The following ZC3H12B variants were observed in gnomAD, a reference collection of about 807,000 sequenced individuals.
ZC3H12B encodes zinc finger CCCH-type containing 12B, also known as probable ribonuclease ZC3H12B.
In ZC3H12B, 7 loss-of-function variants were observed where a neutral mutation model predicts 43.9. That is an observed-to-expected ratio of 0.16 (90% CI 0.09 to 0.30). The LOEUF (loss-of-function observed/expected upper bound fraction) is 0.30. Among genes scored for constraint, ZC3H12B ranks in the 10% least tolerant of loss-of-function variants. The pLI is 1.00. For missense variants in ZC3H12B, 475 were observed against 670.2 expected (o/e 0.71, Z 3.22); for synonymous variants, 222 against 241.7 (o/e 0.92, Z 0.76).
At chrX:65,138,152 A>G in the ZC3H12B span, among the ~76,000 whole-genome samples, 161 of 112,440 alleles carry the variant, frequency 1.4e-3, 1 homozygote, top group African/African-American at 5.1e-3. Flanking sequence ...GCTGCTAACT[A>G]TAGTCACCAA....
chrX:65,141,719 T>A, the ZC3H12B span, among the ~76,000 whole-genome samples: 3 of 110,898 alleles, frequency 2.7e-5, no homozygotes, highest in Non-Finnish European at 3.8e-5. Context: ...CTTATGCCTT[T>A]ACATCCTCAT....
At chrX:65,278,612 C>T in the ZC3H12B span, among the ~76,000 whole-genome samples, 1 of 111,490 alleles carries the variant, frequency 9.0e-6, no homozygotes, top group African/African-American at 3.3e-5. Context: ...ATCAGTAATA[C>T]AGTCTTTCAA....
the ZC3H12B span, among the ~76,000 whole-genome samples, chrX:65,224,466 T>C: frequency 8.9e-6 from 1 of 112,709 alleles, no homozygotes; most frequent in African/African-American, 3.2e-5. Context: ...GTGTGACTTC[T>C]GCATTTCCAT....
the ZC3H12B span, among the ~76,000 whole-genome samples, chrX:65,203,865 G>A: frequency 8.9e-6 from 1 of 111,817 alleles, no homozygotes; most frequent in South Asian, 3.9e-4. Flanking sequence ...GGACCATAGA[G>A]CACTGTAGCC....
At chrX:65,182,727 A>C in the ZC3H12B span, among the ~76,000 whole-genome samples, 1 of 111,105 alleles carries the variant, frequency 9.0e-6, no homozygotes, top group East Asian at 2.8e-4. Flanking sequence ...CAAACAAAAA[A>C]AAAAACAAAA....
the ZC3H12B span, among the ~76,000 whole-genome samples, chrX:65,266,784 G>T: frequency 9.0e-6 from 1 of 111,187 alleles, no homozygotes; most frequent in Non-Finnish European, 1.9e-5. Flanking sequence ...GTTTGCCTTT[G>T]TTTCCTCTCA....
At chrX:65,216,368 G>A in the ZC3H12B span, among the ~76,000 whole-genome samples, 3 of 111,338 alleles carry the variant, frequency 2.7e-5, no homozygotes, top group East Asian at 8.5e-4. Context: ...GCATAGCCCT[G>A]TCACAGAGCT....
intron 3 of ZC3H12B, among the ~76,000 whole-genome samples, chrX:65,449,141 A>C (rs181087571): frequency 9.0e-6 from 1 of 110,687 alleles, no homozygotes; most frequent in East Asian, 2.9e-4. Flanking sequence ...AACACACACT[A>C]GGACATATCA....
chrX:65,386,116 T>C (rs1314018801), intron 2 of ZC3H12B, among the ~76,000 whole-genome samples: 1 of 112,034 alleles, frequency 8.9e-6, no homozygotes, highest in Non-Finnish European at 1.9e-5. Context: ...CTTTTTTTGT[T>C]GTGTCTCTGC....
At chrX:65,467,558 A>G (rs1473505115) in intron 3 of ZC3H12B, among the ~76,000 whole-genome samples, 2 of 112,332 alleles carry the variant, frequency 1.8e-5, no homozygotes, top group Non-Finnish European at 3.8e-5. Flanking sequence ...TACTATTTAC[A>G]TTATCACCAG....
the ZC3H12B span, among the ~76,000 whole-genome samples, chrX:65,179,104 G>C: frequency 9.0e-6 from 1 of 111,335 alleles, no homozygotes; most frequent in African/African-American, 3.3e-5. Flanking sequence ...CCTGCCCTTT[G>C]AATGGACATC....
chrX:65,085,623 T>C, the ZC3H12B span, among the ~76,000 whole-genome samples: 1 of 109,757 alleles, frequency 9.1e-6, no homozygotes, highest in Non-Finnish European at 1.9e-5. Flanking sequence ...AAATAAAAAA[T>C]TAGCCAGGCC....
At chrX:65,192,432 G>C in the ZC3H12B span, among the ~76,000 whole-genome samples, 1 of 111,292 alleles carries the variant, frequency 9.0e-6, no homozygotes, top group Non-Finnish European at 1.9e-5. Context: ...TCATGTTTTA[G>C]ATCTTAGATA....
chrX:65,207,353 G>C, the ZC3H12B span, among the ~76,000 whole-genome samples: 1 of 109,839 alleles, frequency 9.1e-6, no homozygotes, highest in Non-Finnish European at 1.9e-5. Flanking sequence ...TGGAATTGGA[G>C]ACTATTATTC....
At chrX:65,263,123 A>T in the ZC3H12B span, among the ~76,000 whole-genome samples, 6 of 111,274 alleles carry the variant, frequency 5.4e-5, no homozygotes, top group Non-Finnish European at 9.5e-5. Flanking sequence ...TAAGACTTTT[A>T]TGTGCCTAAA....
In ZC3H12B at chrX:65,412,852, T is replaced by TTTTG. The variant is rs973041376; in HGVS notation, n.407+14151_407+14152insGTTT. ...TTCTGTTTTGTTTTGTTTTGTTTTG[T>TTTTG]TTTTTTTGAGGAAATGCAAAGCTGT... On this transcript the variant is annotated intron_variant and non_coding_transcript_variant, in intron 3 of 5. Transcript: ENST00000617377. Among the ~76,000 whole-genome samples, 10 of 80,028 alleles carry TTTTG rather than the reference T, an allele frequency of 1.2e-4. No individual in the cohort carries two copies. In the African/African-American group the frequency reaches 4.7e-3, roughly 38 times the overall value. The allele number at this position is 80,028 out of a possible 115,157, so 69.5% of individuals were successfully genotyped here.
chrX:65,476,871 G>A (rs1191819838), intron 3 of ZC3H12B, among the ~76,000 whole-genome samples: 1 of 107,384 alleles, frequency 9.3e-6, no homozygotes, highest in African/African-American at 3.4e-5. Context: ...ACACAGGCTG[G>A]AGTTCAGTGG....
At chrX:65,214,676 A>G in the ZC3H12B span, among the ~76,000 whole-genome samples, 6 of 111,094 alleles carry the variant, frequency 5.4e-5, no homozygotes, top group Non-Finnish European at 7.5e-5. Context: ...GTTTGGAATA[A>G]ACTCACCTAA....
At chrX:65,401,404 G>T (rs770745301) in intron 3 of ZC3H12B, among the ~76,000 whole-genome samples, 1 of 111,888 alleles carries the variant, frequency 8.9e-6, no homozygotes, top group South Asian at 3.7e-4. Context: ...TAGCCAGAGG[G>T]TAGTCACCTA....
Sources: gnomAD v4.1 joint callset for allele counts (sites outside exome capture counted in the v4.1 genomes callset) on GRCh38, gnomAD v4.1.1 for gene constraint, MANE v1.5 for transcripts, NCBI Gene and HGNC (gene_info 2026-07-23, HGNC 2026-07-21) for gene names.